DERPC: variants seen among roughly 807,000 people sequenced by gnomAD.
DERPC encodes the protein decreased expression in renal and prostate cancer protein.
In DERPC, 1 loss-of-function variant was observed where a neutral mutation model predicts 7.2. The observed-to-expected ratio is 0.14, with a 90% CI of 0.05 to 0.66. The LOEUF (loss-of-function observed/expected upper bound fraction) is 0.66, where lower values mean the gene tolerates loss of function less well. DERPC is among the 30% of genes least tolerant of loss of function. The pLI, the probability that DERPC is intolerant of heterozygous loss-of-function variation, is 0.84. For synonymous variants in DERPC, 185 were observed against 117.6 expected (o/e 1.57, Z -3.71); for missense variants, 502 against 299.4 (o/e 1.68, Z -4.99).
At chr16:69,125,268 GAATTTTTACTGTGC>G (rs1277381633) in intron 1 of DERPC, among the ~76,000 whole-genome samples, 5 of 152,052 alleles carry the variant, frequency 3.3e-5, no homozygotes, top group African/African-American at 1.2e-4. Flanking sequence ...TTTTACTGTG[GAATTTTTACTGTGC>G]ATATATATTG....
Position 69,125,938 on chromosome 16 carries a change from T to C in DERPC, c.-279-4445A>G, listed in dbSNP as rs1962029867. ...GAGGTGCTTTAAAGACCCCAAGTTC[T>C]ATTGAGATGAACTAAGTTTTTTGAG... On this transcript the variant is annotated intron_variant, in intron 1 of 2. Transcript: ENST00000519520. Among the ~76,000 whole-genome samples the C allele has an allele frequency of 2.0e-5, 3 of 152,238 alleles. No individual in the cohort carries two copies. The South Asian group carries it at 6.2e-4, about 31-fold the overall frequency.
In DERPC at chr16:69,118,406, G is replaced by T. The variant is rs1961329278; in HGVS notation, c.*448C>A. Reference sequence around the variant, plus strand: ...GGATGACCAGGTCCAAGCTGCCCAGGTCAGAGCTACGGAAGCATGGTCCGT... The same window carrying T: ...GGATGACCAGGTCCAAGCTGCCCAGTTCAGAGCTACGGAAGCATGGTCCGT... On this transcript the variant is annotated 3_prime_UTR_variant, in exon 3 of 3. Transcript: ENST00000519520. The T allele has an allele frequency of 6.2e-7, 1 of 1,613,814 alleles. No individual in the cohort carries two copies. Among genetic ancestry groups the T allele is most frequent in the Non-Finnish European group, 8.5e-7 (1 of 1,179,728 alleles).
chr16:69,127,762 A>G (rs1349556945), intron 1 of DERPC, among the ~76,000 whole-genome samples: 5 of 151,692 alleles, frequency 3.3e-5, no homozygotes, highest in Non-Finnish European at 5.9e-5. Context: ...GGCGCCCGCC[A>G]CCACACCCGG....
At chr16:69,122,965 C>T (rs1961792979) in intron 1 of DERPC, among the ~76,000 whole-genome samples, 1 of 152,124 alleles carries the variant, frequency 6.6e-6, no homozygotes, top group Non-Finnish European at 1.5e-5. Flanking sequence ...AGGCATTAGC[C>T]ACCACACCCG....
Position 69,118,034 on chromosome 16 carries a change from A to C in DERPC, c.*820T>G. ...AGCCCTCTCATCCCATTTATTAAAGAAACAGTAAGAAAAGATACAATGCAG... is the reference window on the plus strand; with the variant it reads ...AGCCCTCTCATCCCATTTATTAAAGCAACAGTAAGAAAAGATACAATGCAG... On this transcript the variant is annotated 3_prime_UTR_variant, in exon 3 of 3. Transcript: ENST00000519520. The C allele has an allele frequency of 2.7e-6, 1 of 377,132 alleles. No homozygotes were observed. The highest frequency in any genetic ancestry group is 4.9e-6 in the Non-Finnish European group (1 of 204,436). The allele number at this position is 377,132 out of a possible 1,614,324, so 23.4% of individuals were successfully genotyped here.
rs1024642519 is a variant in DERPC, at chr16:69,121,235, C to T, written c.-222+201G>A. 5.4e-6 allele frequency: 8 copies of T among 1,471,276 alleles called. No individual in the cohort carries two copies. In the Admixed American group the frequency reaches 1.3e-4, roughly 23 times the overall value. 91.1% of individuals were successfully genotyped at this position (1,471,276 alleles called of 1,614,324 possible). On this transcript the variant is annotated intron_variant, in intron 2 of 2. Transcript: ENST00000519520. ...GTGAAGGATGAATAGTGTCCTCACA[C>T]CACCATTTGAGGCCCAAAGGACCTC... is the stretch of plus-strand genomic sequence containing the variant.
chr16:69,131,804 T>C (rs1962544840), intron 1 of DERPC, among the ~76,000 whole-genome samples: 1 of 151,398 alleles, frequency 6.6e-6, no homozygotes. Context: ...GGTTCTCAAG[T>C]ACTCCACTCC....
Position 69,120,594 on chromosome 16 carries a change from A to C in DERPC, c.-166T>G. ...GACAAGGACTGCAAAAGGTTTCTCC[A>C]GGTGGATGATTTTCCCATACAGGAT... is the stretch of plus-strand genomic sequence containing the variant. On this transcript the variant is annotated 5_prime_UTR_variant, in exon 3 of 3. Coordinates refer to ENST00000519520, the MANE Select transcript of DERPC (RefSeq NM_001002847.4). This position sits in a 1 kb window ranked among gnomAD's most constrained non-coding sequence, Gnocchi z 4.0. The C allele has an allele frequency of 6.2e-7, 1 of 1,613,998 alleles. No individual in the cohort carries two copies. Among genetic ancestry groups the C allele is most frequent in the South Asian group, 1.1e-5 (1 of 91,082 alleles).
At chr16:69,123,078 TGA>T (rs1396764840) in intron 1 of DERPC, among the ~76,000 whole-genome samples, 1 of 152,126 alleles carries the variant, frequency 6.6e-6, no homozygotes, top group Non-Finnish European at 1.5e-5. Context: ...TTTCTTCTTT[TGA>T]GACAGGGTCT....
chr16:69,126,858 G>C (rs1180754880), intron 1 of DERPC, among the ~76,000 whole-genome samples: 5 of 152,098 alleles, frequency 3.3e-5, no homozygotes, highest in Non-Finnish European at 7.3e-5. Flanking sequence ...ACTGTTTCTA[G>C]GGCACAGTAG....
At chr16:69,126,460 C>T (rs978713740) in intron 1 of DERPC, among the ~76,000 whole-genome samples, 4 of 152,222 alleles carry the variant, frequency 2.6e-5, no homozygotes, top group African/African-American at 9.7e-5. Context: ...ATGCAGGAGG[C>T]TCTGCCTGTG....
rs1962129389 is a variant in DERPC at position 69,127,209 on chromosome 16, G to A, written c.-280+5275C>T. 2.0e-5 allele frequency among the ~76,000 whole-genome samples: 3 copies of A among 150,636 alleles called. No homozygotes were observed. The South Asian group carries it at 6.3e-4, about 32-fold the overall frequency. On this transcript the variant is annotated intron_variant, in intron 1 of 2. Coordinates refer to ENST00000519520, the MANE Select transcript of DERPC (RefSeq NM_001002847.4). ...GCTGAGATTGCGCCACCACACTCCA[G>A]CCTGGGCAACAAAGAGCAAAACTCC...
At chr16:69,121,209 G>A (rs756442040) in intron 2 of DERPC, 10 of 1,570,188 alleles carry the variant, frequency 6.4e-6, no homozygotes, top group Non-Finnish European at 6.1e-6. Context: ...ATTTTTGAGG[G>A]GTGAAGGATG....
chr16:69,131,008 GATT>G (rs2152273741), intron 1 of DERPC, among the ~76,000 whole-genome samples: 1 of 152,248 alleles, frequency 6.6e-6, no homozygotes, highest in South Asian at 2.1e-4. Context: ...ACCGAATACA[GATT>G]ATTTTTATTT....
chr16:69,124,032 A>G (rs1190943954), intron 1 of DERPC, among the ~76,000 whole-genome samples: 1 of 150,814 alleles, frequency 6.6e-6, no homozygotes, highest in Non-Finnish European at 1.5e-5. Context: ...GGAACCTGGG[A>G]GATAAAGGTT....
At chr16:69,121,260 C>A (rs771175928) in intron 2 of DERPC, 176 bp downstream of exon 2, 2 of 1,341,424 alleles carry the variant, frequency 1.5e-6, no homozygotes, top group Non-Finnish European at 2.1e-6. Flanking sequence ...CAAAGGACCT[C>A]TTTGTTGGAT....
intron 1 of DERPC, among the ~76,000 whole-genome samples, chr16:69,127,928 T>G (rs1429757173): frequency 6.8e-6 from 1 of 146,952 alleles, no homozygotes; most frequent in Non-Finnish European, 1.5e-5. Context: ...CTTTCTTCTT[T>G]TTTTGAGACA....
intron 1 of DERPC, chr16:69,131,957 T>G (rs1244220158): frequency 6.6e-6 from 1 of 151,872 alleles, no homozygotes; most frequent in Non-Finnish European, 1.5e-5. Context: ...AACCTCACGG[T>G]CCTAACCCCC....
intron 1 of DERPC, among the ~76,000 whole-genome samples, chr16:69,129,913 T>C (rs1962372069): frequency 6.6e-6 from 1 of 152,216 alleles, no homozygotes; most frequent in Admixed American, 6.5e-5. Flanking sequence ...CATACCCAAT[T>C]GAGATGTTTC....
Sources: allele counts gnomAD v4.1 joint callset (sites outside exome capture counted in the v4.1 genomes callset), GRCh38; gene constraint gnomAD v4.1.1; non-coding constraint Gnocchi (gnomAD v3.1); transcripts MANE v1.5; gene names NCBI Gene and HGNC (gene_info 2026-07-23, HGNC 2026-07-21).